KSR2: variants seen among roughly 807,000 people sequenced by gnomAD.
KSR2 encodes kinase suppressor of ras 2.
A neutral mutation model predicts 107.8 loss-of-function variants in KSR2; 25 were observed. The ratio of observed to expected loss-of-function variants is 0.23; its 90% CI spans 0.17 to 0.32. The LOEUF (loss-of-function observed/expected upper bound fraction) is 0.32. Ranked by LOEUF, KSR2 falls within the 10% of genes least tolerant of loss-of-function variation. The pLI is 1.00. For missense variants in KSR2, 887 were observed against 1,268.9 expected, an observed-to-expected ratio of 0.70 and a Z score of 4.57; for synonymous variants, 480 against 507.0, an observed-to-expected ratio of 0.95 and a Z score of 0.71.
intron 3 of KSR2, among the ~76,000 whole-genome samples, chr12:117,855,106 T>A (rs977693108): frequency 6.6e-6 from 1 of 152,140 alleles, no homozygotes; most frequent in Non-Finnish European, 1.5e-5. Flanking sequence ...CAAAGCCACG[T>A]CAGAATGTCT....
At chr12:117,473,048 C>T (rs1035824789) in intron 17 of KSR2, among the ~76,000 whole-genome samples, 2 of 152,164 alleles carry the variant, frequency 1.3e-5, no homozygotes, top group Non-Finnish European at 2.9e-5. Context: ...CAATATTCCC[C>T]AGCCCCTATA....
chr12:117,670,558 G>T (rs372869081), intron 4 of KSR2, among the ~76,000 whole-genome samples: 1 of 152,242 alleles, frequency 6.6e-6, no homozygotes, highest in East Asian at 1.9e-4. Context: ...TGAGAAGTTC[G>T]ATTTGGGACA....
In KSR2 at chr12:117,785,625, C is replaced by T. The variant is rs559806176; in HGVS notation, c.473-24101G>A. ...AATAACCAAATGAAAATTTTGGAAT[C>T]GAAAAATACACTATCCAAAATTCAT... On this transcript the variant is annotated intron_variant, in intron 3 of 19. Coordinates refer to ENST00000339824, the MANE Select transcript of KSR2 (RefSeq NM_173598.6). Among the ~76,000 whole-genome samples the T allele has an allele frequency of 7.8e-4, 119 of 151,956 alleles. 1 individual carries two copies. The highest frequency in any genetic ancestry group is 1.7e-3 in the South Asian group (8 of 4,814).
At chr12:117,648,405 C>T (rs563221341) in intron 5 of KSR2, among the ~76,000 whole-genome samples, 87 of 152,296 alleles carry the variant, frequency 5.7e-4, no homozygotes, top group African/African-American at 2.1e-3. Flanking sequence ...CTAACGTCCT[C>T]AATCTGGATT....
At chr12:117,718,967 A>C (rs898626093) in intron 4 of KSR2, among the ~76,000 whole-genome samples, 1 of 152,196 alleles carries the variant, frequency 6.6e-6, no homozygotes, top group East Asian at 1.9e-4. Flanking sequence ...GCCGCTCATC[A>C]ATGGACCCAG....
intron 14 of KSR2, among the ~76,000 whole-genome samples, chr12:117,517,544 C>A (rs972553379): frequency 1.3e-5 from 2 of 152,104 alleles, no homozygotes; most frequent in Non-Finnish European, 2.9e-5. Context: ...CCATGCAAAT[C>A]CTCTGCTGCT....
At chr12:117,637,679 T>TTTTTC (rs1219435530) in intron 5 of KSR2, among the ~76,000 whole-genome samples, 1 of 82,922 alleles carries the variant, frequency 1.2e-5, no homozygotes, top group Non-Finnish European at 2.4e-5. Context: ...TTTTGGGTTT[T>TTTTTC]TTTTTTTTTT....
intron 7 of KSR2, among the ~76,000 whole-genome samples, chr12:117,571,529 G>A (rs990595464): frequency 3.3e-5 from 5 of 152,154 alleles, no homozygotes; most frequent in Admixed American, 1.3e-4. Context: ...TGCAAGGTAC[G>A]AGCCATTTGC....
At position 117,621,442 on chromosome 12, in the gene KSR2, G is replaced by A. The variant is rs192562754; in HGVS notation, c.1172-39083C>T. 3.9e-3 allele frequency among the ~76,000 whole-genome samples: 587 copies of A among 152,308 alleles called. 4 individuals are homozygous for A. Among genetic ancestry groups the A allele is most frequent in the Admixed American group, 6.1e-3 (94 of 15,298 alleles). Reference sequence around the variant, plus strand: ...TGGCTGACTCCACGACTTACTAGCTGCATTCACATAGGCAGGTTAGTTAAC... The same window carrying A: ...TGGCTGACTCCACGACTTACTAGCTACATTCACATAGGCAGGTTAGTTAAC... On this transcript the variant is annotated intron_variant, in intron 5 of 19. Coordinates refer to ENST00000339824, the MANE Select transcript of KSR2 (RefSeq NM_173598.6).
chr12:117,583,379 GGATA>G (rs1879801125), intron 5 of KSR2, among the ~76,000 whole-genome samples: 2 of 150,334 alleles, frequency 1.3e-5, no homozygotes, highest in South Asian at 4.3e-4. Flanking sequence ...GTGGGTGGAT[GGATA>G]GATGGATGGG....
intron 3 of KSR2, among the ~76,000 whole-genome samples, chr12:117,815,358 A>G (rs1891330937): frequency 6.6e-6 from 1 of 152,190 alleles, no homozygotes. Context: ...AGACCACTCT[A>G]TATGTCTTGA....
chr12:117,602,920 G>A (rs189326797), intron 5 of KSR2, among the ~76,000 whole-genome samples: 65 of 152,256 alleles, frequency 4.3e-4, no homozygotes, highest in African/African-American at 1.5e-3. Context: ...GGTGGGTGTT[G>A]AGATTGTAAG....
At chr12:117,853,520 T>C (rs549063755) in intron 3 of KSR2, among the ~76,000 whole-genome samples, 2 of 152,144 alleles carry the variant, frequency 1.3e-5, no homozygotes, top group Admixed American at 6.5e-5. Context: ...TTTTCTTTTT[T>C]TGGTAGAGGT....
At chr12:117,499,584 G>A (rs1162307780) in intron 14 of KSR2, among the ~76,000 whole-genome samples, 2 of 152,192 alleles carry the variant, frequency 1.3e-5, no homozygotes, top group African/African-American at 2.4e-5. Flanking sequence ...CTTTCTGGCT[G>A]TTACTCTGCG....
intron 4 of KSR2, among the ~76,000 whole-genome samples, chr12:117,670,177 T>C (rs1286281238): frequency 1.3e-5 from 2 of 152,176 alleles, no homozygotes; most frequent in East Asian, 1.9e-4. Flanking sequence ...ATTATAAGCA[T>C]AAAACATGGA....
intron 3 of KSR2, among the ~76,000 whole-genome samples, chr12:117,843,981 G>A (rs916622783): frequency 5.7e-5 from 8 of 140,850 alleles, no homozygotes; most frequent in African/African-American, 1.1e-4. Context: ...TCCTACGGTC[G>A]TATAAGTCTA....
At chr12:117,760,751 A>G (rs535444860) in intron 4 of KSR2, among the ~76,000 whole-genome samples, 1 of 152,328 alleles carries the variant, frequency 6.6e-6, no homozygotes, top group South Asian at 2.1e-4. Context: ...AATACCTTTT[A>G]TTTACAAAAT....
chr12:117,925,325 C>T (rs374796305), intron 1 of KSR2, among the ~76,000 whole-genome samples: 4 of 151,754 alleles, frequency 2.6e-5, no homozygotes, highest in Non-Finnish European at 4.4e-5. Flanking sequence ...GGTTTCACCA[C>T]GTTGCCCAGG....
At chr12:117,816,800 G>A (rs1244976008) in intron 3 of KSR2, among the ~76,000 whole-genome samples, 1 of 152,212 alleles carries the variant, frequency 6.6e-6, no homozygotes, top group Non-Finnish European at 1.5e-5. Context: ...CTGTGGCAAA[G>A]AACGATCATC....
Sources: gnomAD v4.1 joint callset for allele counts (sites outside exome capture counted in the v4.1 genomes callset) on GRCh38, gnomAD v4.1.1 for gene constraint, MANE v1.5 for transcripts, NCBI Gene and HGNC (gene_info 2026-07-23, HGNC 2026-07-21) for gene names.